EYS: variants seen among roughly 807,000 people sequenced by gnomAD.
The protein encoded by EYS is protein eyes shut homolog.
EYS carries 250 observed loss-of-function variants against 282.1 expected under a neutral mutation model. That is an observed-to-expected ratio of 0.89 (90% CI 0.80 to 0.98). The LOEUF is 0.98. EYS is among the 50% of genes least tolerant of loss of function. The pLI, the probability that EYS is intolerant of heterozygous loss-of-function variation, is 0.00. For missense variants in EYS, 4,016 were observed against 3,709.0 expected, an observed-to-expected ratio of 1.08 and a Z score of -2.15; for synonymous variants, 1,355 against 1,282.9, an observed-to-expected ratio of 1.06 and a Z score of -1.20.
At chr6:63,968,616 C>A (rs1766414682) in intron 35 of EYS, among the ~76,000 whole-genome samples, 1 of 152,138 alleles carries the variant, frequency 6.6e-6, no homozygotes, top group African/African-American at 2.4e-5. Flanking sequence ...ATGCGATCTG[C>A]AGTTCTCTGT....
intron 12 of EYS, among the ~76,000 whole-genome samples, chr6:65,240,246 A>T (rs923687908): frequency 6.6e-6 from 1 of 151,972 alleles, no homozygotes; most frequent in Non-Finnish European, 1.5e-5. Flanking sequence ...GGGATTACAG[A>T]CATGAGCCAC....
intron 1 of EYS, among the ~76,000 whole-genome samples, chr6:65,654,044 A>G (rs1248449902): frequency 6.6e-6 from 1 of 151,976 alleles, no homozygotes; most frequent in Non-Finnish European, 1.5e-5. Flanking sequence ...ATAAAAAGTT[A>G]TAGGATTATT....
chr6:64,390,272 A>G (rs1192523943), intron 28 of EYS, among the ~76,000 whole-genome samples: 1 of 152,190 alleles, frequency 6.6e-6, no homozygotes, highest in African/African-American at 2.4e-5. Context: ...GGAGCCCACC[A>G]CAGCTCAAGG....
chr6:64,987,643 G>GT (rs1240942059), intron 14 of EYS, among the ~76,000 whole-genome samples: 1 of 151,396 alleles, frequency 6.6e-6, no homozygotes, highest in Non-Finnish European at 1.5e-5. Flanking sequence ...GACTTGTGCT[G>GT]TATATTCCCC....
intron 36 of EYS, among the ~76,000 whole-genome samples, chr6:63,830,046 C>T (rs1256791048): frequency 6.6e-6 from 1 of 152,136 alleles, no homozygotes; most frequent in Non-Finnish European, 1.5e-5. Flanking sequence ...GACATCCACA[C>T]CAAATCCCCA....
At chr6:64,494,684 G>C (rs1303437895) in intron 26 of EYS, among the ~76,000 whole-genome samples, 1 of 151,488 alleles carries the variant, frequency 6.6e-6, no homozygotes, top group Non-Finnish European at 1.5e-5. Context: ...ACAGTGGATT[G>C]AAAAAACCAC....
At chr6:64,645,134 C>G (rs1281153726) in intron 22 of EYS, among the ~76,000 whole-genome samples, 2 of 152,142 alleles carry the variant, frequency 1.3e-5, no homozygotes, top group African/African-American at 4.8e-5. Flanking sequence ...CTCTTTGCCA[C>G]CAGACTAATA....
At chr6:63,889,919 G>A (rs1773364411) in intron 35 of EYS, among the ~76,000 whole-genome samples, 1 of 151,512 alleles carries the variant, frequency 6.6e-6, no homozygotes, top group South Asian at 2.1e-4. Context: ...ATAAAAGGAT[G>A]GAGGAAGATT....
intron 19 of EYS, among the ~76,000 whole-genome samples, chr6:64,867,209 A>T (rs532278988): frequency 6.8e-4 from 93 of 136,650 alleles, no homozygotes; most frequent in Non-Finnish European, 1.3e-3. Context: ...ACTTATTAAA[A>T]GTTTATAGAG....
At position 64,875,721 on chromosome 6, in the gene EYS, C is replaced by A. The variant is rs547720950; in HGVS notation, c.2992+10976G>T. 2.0e-5 allele frequency among the ~76,000 whole-genome samples: 3 copies of A among 152,148 alleles called. No homozygotes were observed. In the East Asian group the frequency reaches 5.8e-4, roughly 29 times the overall value. The stretch of plus-strand genomic sequence containing the variant: ...TGGTACCACTGGTCTTTAATTAGGT[C>A]ATTCTAATTAAAATGTTCTTACATA... On this transcript the variant is annotated intron_variant, in intron 19 of 42. Transcript: ENST00000503581.
intron 22 of EYS, among the ~76,000 whole-genome samples, chr6:64,687,421 T>C (rs1770195782): frequency 6.6e-6 from 1 of 152,218 alleles, no homozygotes. Flanking sequence ...TGAGAGTTTT[T>C]AGCATGAAGG....
At chr6:65,134,074 A>G (rs1029148528) in intron 12 of EYS, among the ~76,000 whole-genome samples, 2 of 152,258 alleles carry the variant, frequency 1.3e-5, no homozygotes, top group African/African-American at 2.4e-5. Flanking sequence ...ATCATATTAC[A>G]CCAGTTAGGA....
At chr6:65,156,273 C>T (rs1415716573) in intron 12 of EYS, among the ~76,000 whole-genome samples, 2 of 151,206 alleles carry the variant, frequency 1.3e-5, no homozygotes, top group African/African-American at 4.8e-5. Flanking sequence ...GAGTACTTTT[C>T]ATTCAATTCC....
intron 32 of EYS, among the ~76,000 whole-genome samples, chr6:64,068,773 G>T (rs922336698): frequency 6.6e-6 from 1 of 152,090 alleles, no homozygotes; most frequent in African/African-American, 2.4e-5. Flanking sequence ...ATTTTTCTGT[G>T]TAAGTACTGT....
chr6:65,477,887 C>G (rs1305913209), intron 5 of EYS, among the ~76,000 whole-genome samples: 1 of 152,074 alleles, frequency 6.6e-6, no homozygotes, highest in East Asian at 1.9e-4. Flanking sequence ...TGTCAGTACT[C>G]AAATATAACT....
intron 12 of EYS, among the ~76,000 whole-genome samples, chr6:65,232,423 T>C (rs1410210984): frequency 6.6e-6 from 1 of 152,120 alleles, no homozygotes; most frequent in Non-Finnish European, 1.5e-5. Flanking sequence ...AATTAATCTT[T>C]CAATTATTTT....
intron 28 of EYS, among the ~76,000 whole-genome samples, chr6:64,396,865 AT>A (rs896630613): frequency 5.9e-5 from 9 of 151,312 alleles, no homozygotes; most frequent in Admixed American, 5.9e-4. Context: ...CTCCTACTTC[AT>A]TTTTTCCCCC....
intron 26 of EYS, among the ~76,000 whole-genome samples, chr6:64,541,160 G>A (rs1213318793): frequency 6.6e-6 from 1 of 152,144 alleles, no homozygotes; most frequent in East Asian, 1.9e-4. Flanking sequence ...TTCTGGCCTT[G>A]ACCAAGGCTA....
chr6:64,737,134 A>G (rs1308351843), intron 22 of EYS, among the ~76,000 whole-genome samples: 2 of 152,200 alleles, frequency 1.3e-5, no homozygotes, highest in African/African-American at 4.8e-5. Context: ...CATGAAGACC[A>G]ATATCATTTT....
Sources: allele counts gnomAD v4.1 joint callset (sites outside exome capture counted in the v4.1 genomes callset), GRCh38; gene constraint gnomAD v4.1.1; transcripts MANE v1.5; gene names NCBI Gene and HGNC (gene_info 2026-07-23, HGNC 2026-07-21).